CTNNA3: variants seen among roughly 807,000 people sequenced by gnomAD.
CTNNA3 encodes catenin alpha-3.
In CTNNA3, 76 loss-of-function variants were observed where a neutral mutation model predicts 95.7. The ratio of observed to expected loss-of-function variants is 0.79; its 90% CI spans 0.66 to 0.96. The LOEUF is 0.96. CTNNA3 is among the 40% of genes least tolerant of loss of function. CTNNA3 has a pLI of 0.00. For synonymous variants in CTNNA3, 431 were observed against 374.4 expected (o/e 1.15, Z -1.74); for missense variants, 1,191 against 1,089.8 (o/e 1.09, Z -1.31).
chr10:67,747,500 C>A (rs1841380271), intron 1 of CTNNA3, among the ~76,000 whole-genome samples: 1 of 152,080 alleles, frequency 6.6e-6, no homozygotes, highest in Non-Finnish European at 1.5e-5. Context: ...AAGTGAAACC[C>A]CAGCAAACCA....
chr10:67,532,095 C>T (rs1840346044), intron 4 of CTNNA3, among the ~76,000 whole-genome samples: 1 of 152,090 alleles, frequency 6.6e-6, no homozygotes, highest in Non-Finnish European at 1.5e-5. Flanking sequence ...GTAAATTGCC[C>T]AGTATAAAGT....
intron 17 of CTNNA3, among the ~76,000 whole-genome samples, chr10:65,953,558 C>A (rs1433683654): frequency 1.3e-5 from 2 of 152,014 alleles, no homozygotes; most frequent in African/African-American, 4.8e-5. Flanking sequence ...ATGACAGGCC[C>A]CGGTGTGTGA....
chr10:67,531,333 C>A (rs1225777107), intron 4 of CTNNA3, among the ~76,000 whole-genome samples: 1 of 152,196 alleles, frequency 6.6e-6, no homozygotes, highest in Non-Finnish European at 1.5e-5. Context: ...CTGTATCCCG[C>A]AAAGCCACAG....
intron 1 of CTNNA3, among the ~76,000 whole-genome samples, chr10:67,725,179 CTT>C (rs578185088): frequency 9.8e-5 from 14 of 143,350 alleles, no homozygotes; most frequent in African/African-American, 1.3e-4. Flanking sequence ...ATTAATTTAC[CTT>C]TTTTTTTTTT....
chr10:67,203,276 A>G (rs139927109), intron 6 of CTNNA3, among the ~76,000 whole-genome samples: 2,604 of 152,238 alleles, frequency 0.017, 90 homozygotes, highest in African/African-American at 0.06. Context: ...ACGAGATCTG[A>G]TGGTTTTATA....
At chr10:67,438,526 G>A (rs1846383822) in intron 5 of CTNNA3, among the ~76,000 whole-genome samples, 1 of 152,110 alleles carries the variant, frequency 6.6e-6, no homozygotes, top group South Asian at 2.1e-4. Flanking sequence ...CCTAAAGCCG[G>A]AATACCAAAT....
In CTNNA3 at chr10:66,362,722, CA is replaced by C. The variant is rs113642405; in HGVS notation, c.1732+16429del. On this transcript the variant is annotated intron_variant, in intron 12 of 17. Coordinates refer to ENST00000433211, the MANE Select transcript of CTNNA3 (RefSeq NM_013266.4). ...AGTGAGACTACTTCCCCCTGCCGAC[CA>C]AAAAAAAAAAGGTAATTTGATAAAT... Among the ~76,000 whole-genome samples, 600 of 138,042 alleles carry C rather than the reference CA, an allele frequency of 4.3e-3. 5 individuals carry two copies. Among genetic ancestry groups the C allele is most frequent in the African/African-American group, 0.013 (507 of 37,608 alleles). 90.6% of individuals were successfully genotyped at this position (138,042 alleles called of 152,430 possible).
intron 15 of CTNNA3, among the ~76,000 whole-genome samples, chr10:66,016,792 C>A (rs1256656629): frequency 1.3e-5 from 2 of 151,944 alleles, no homozygotes; most frequent in Non-Finnish European, 2.9e-5. Flanking sequence ...TAAAATATGA[C>A]AGTATTATTT....
chr10:66,103,336 A>G (rs1282215731), intron 13 of CTNNA3, 87 bp from the exon 14 acceptor site: 10 of 1,012,054 alleles, frequency 9.9e-6, no homozygotes, highest in Admixed American at 1.9e-5. Flanking sequence ...TAAAAGGGTA[A>G]TCATAAAGTT....
At chr10:67,444,153 C>G (rs916472418) in intron 5 of CTNNA3, among the ~76,000 whole-genome samples, 1 of 152,112 alleles carries the variant, frequency 6.6e-6, no homozygotes, top group Middle Eastern at 3.2e-3. Context: ...GGTCCCAAAA[C>G]AAGTCTTAAG....
At chr10:66,637,366 T>C (rs191412657) in intron 9 of CTNNA3, among the ~76,000 whole-genome samples, 220 of 152,326 alleles carry the variant, frequency 1.4e-3, no homozygotes, top group African/African-American at 4.9e-3. Context: ...GGTAGCTCCA[T>C]GCACATCAGC....
intron 9 of CTNNA3, among the ~76,000 whole-genome samples, chr10:66,659,741 A>G (rs1481094756): frequency 6.6e-6 from 1 of 152,086 alleles, no homozygotes; most frequent in Non-Finnish European, 1.5e-5. Context: ...ACAGTTAGAA[A>G]GTATTATCTA....
Position 67,114,153 on chromosome 10 carries a change from G to A in CTNNA3, c.1047+66164C>T, listed in dbSNP as rs180936810. Reference sequence around the variant, plus strand: ...AATGTATATCAAAATATTAAATTCTGTTCCCAATTATTATATAATTCCTAT... The same window carrying A: ...AATGTATATCAAAATATTAAATTCTATTCCCAATTATTATATAATTCCTAT... On this transcript the variant is annotated intron_variant, in intron 7 of 17. Coordinates refer to ENST00000433211, the MANE Select transcript of CTNNA3 (RefSeq NM_013266.4). 5.2e-3 allele frequency among the ~76,000 whole-genome samples: 791 copies of A among 151,928 alleles called. 5 individuals carry two copies. The highest frequency in any genetic ancestry group is 0.017 in the Middle Eastern group (5 of 294).
chr10:66,342,844 G>C (rs2092467261), intron 12 of CTNNA3, among the ~76,000 whole-genome samples: 1 of 151,742 alleles, frequency 6.6e-6, no homozygotes, highest in African/African-American at 2.4e-5. Flanking sequence ...TATTATCTTT[G>C]TCGTATTATT....
Position 66,323,042 on chromosome 10 carries a change from G to T in CTNNA3, c.1733-42421C>A, listed in dbSNP as rs142974650. On this transcript the variant is annotated intron_variant, in intron 12 of 17. Transcript: ENST00000433211. ...CCAGACCTGAACAAACAAAAGTCAG[G>T]ACTTATTTGGCTTATGGGTATCTGG... Among the ~76,000 whole-genome samples the T allele has an allele frequency of 8.1e-4, 123 of 151,934 alleles. 2 individuals are homozygous for T. Among genetic ancestry groups the T allele is most frequent in the East Asian group, 7.0e-3 (36 of 5,134 alleles).
At chr10:66,792,720 A>C (rs1841024146) in intron 7 of CTNNA3, among the ~76,000 whole-genome samples, 1 of 152,102 alleles carries the variant, frequency 6.6e-6, no homozygotes, top group Non-Finnish European at 1.5e-5. Context: ...AAAATATCAA[A>C]ATCTATGCTG....
At chr10:66,832,262 T>C (rs1454862096) in intron 7 of CTNNA3, among the ~76,000 whole-genome samples, 1 of 152,206 alleles carries the variant, frequency 6.6e-6, no homozygotes, top group African/African-American at 2.4e-5. Context: ...TATATATCTA[T>C]AAGCAGTAGA....
chr10:66,702,484 C>G (rs1409104466), intron 9 of CTNNA3, among the ~76,000 whole-genome samples: 1 of 151,890 alleles, frequency 6.6e-6, no homozygotes, highest in African/African-American at 2.4e-5. Flanking sequence ...ATGGGTGGAT[C>G]ACCTGAGGTC....
chr10:66,152,651 C>T (rs1389064124), intron 13 of CTNNA3, among the ~76,000 whole-genome samples: 3 of 151,750 alleles, frequency 2.0e-5, no homozygotes, highest in Non-Finnish European at 4.4e-5. Context: ...TTTCAAAATG[C>T]TGTGCAAACT....
Sources: gnomAD v4.1 joint callset for allele counts (sites outside exome capture counted in the v4.1 genomes callset) on GRCh38, gnomAD v4.1.1 for gene constraint, MANE v1.5 for transcripts, NCBI Gene and HGNC (gene_info 2026-07-23, HGNC 2026-07-21) for gene names.